KCNK12: variants seen among roughly 807,000 people sequenced by gnomAD.
KCNK12 encodes potassium channel subfamily K member 12.
Under a neutral mutation model 25.3 loss-of-function variants are expected in KCNK12, and 6 were observed. That is an observed-to-expected ratio of 0.24 (90% confidence interval 0.13 to 0.47). KCNK12 has a LOEUF of 0.47. Ranked by LOEUF, KCNK12 falls within the 20% of genes least tolerant of loss-of-function variation. The pLI, the probability that KCNK12 is intolerant of heterozygous loss-of-function variation, is 0.99. For synonymous variants in KCNK12, 331 were observed against 311.1 expected (o/e 1.06, Z -0.67); for missense variants, 444 against 661.7 (o/e 0.67, Z 3.61).
At position 47,515,327 on chromosome 2, in the gene KCNK12, C is replaced by T. The variant is rs1668500357; in HGVS notation, c.*5580G>A. Reference sequence around the variant, plus strand: ...AAATCAGTTTAATAGCTTTGACCAGCATTAACCTATTTATGCCTAGCGTTC... The same window carrying T: ...AAATCAGTTTAATAGCTTTGACCAGTATTAACCTATTTATGCCTAGCGTTC... On this transcript the variant is annotated 3_prime_UTR_variant, in exon 2 of 2. Coordinates refer to ENST00000327876, the MANE Select transcript of KCNK12 (RefSeq NM_022055.2). 6.6e-6 allele frequency among the ~76,000 whole-genome samples: 1 copy of T among 152,216 alleles called. No homozygotes were observed.
chr2:47,526,725 TC>T (rs1429784421), intron 1 of KCNK12, among the ~76,000 whole-genome samples: 1 of 152,122 alleles, frequency 6.6e-6, no homozygotes, highest in African/African-American at 2.4e-5. Context: ...AGAGCGAAAC[TC>T]CGTCTCAAAA....
rs181988501 is a variant in KCNK12, at chr2:47,531,252, C to T, written c.392-9444G>A. The stretch of plus-strand genomic sequence containing the variant: ...CTTTAGGAGGCTGAGGCGGTTGGAT[C>T]GCTTGAGCCCAGGAGTTCAAGACCA... On this transcript the variant is annotated intron_variant, in intron 1 of 1. Transcript: ENST00000327876. Among the ~76,000 whole-genome samples the T allele has an allele frequency of 4.7e-4, 72 of 152,214 alleles. 2 individuals are homozygous for T. The East Asian group carries it at 0.014, about 29-fold the overall frequency.
At chr2:47,567,599 A>C (rs1222105903) in intron 1 of KCNK12, among the ~76,000 whole-genome samples, 2 of 152,248 alleles carry the variant, frequency 1.3e-5, no homozygotes, top group African/African-American at 4.8e-5. Flanking sequence ...AGAATATCCC[A>C]GCAGGGGCAA....
rs1348473036 is a variant in KCNK12, at chr2:47,556,656, GA to G, written c.391+13284del. On this transcript the variant is annotated intron_variant, in intron 1 of 1. Transcript: ENST00000327876. The surrounding 1 kb of genome is among the most constrained non-coding windows in gnomAD (Gnocchi z 4.8). ...TATTTTGATAGGGGTACAACATAGGGAGAGAGGGGCAAGGAAGTTAAGGGTC... is the reference window on the plus strand; with the variant it reads ...TATTTTGATAGGGGTACAACATAGGGGAGAGGGGCAAGGAAGTTAAGGGTC... 6.6e-6 allele frequency among the ~76,000 whole-genome samples: 1 copy of G among 152,186 alleles called. No individual in the cohort carries two copies. The highest frequency in any genetic ancestry group is 2.4e-5 in the African/African-American group (1 of 41,430).
In KCNK12 at chr2:47,513,675, C is replaced by A. The variant is rs542672597; in HGVS notation, c.*7232G>T. ...CATGGGTCCCTGAAGTCCAACTTCT[C>A]CTTCATTGAACTCATCACCTCTTCT... On this transcript the variant is annotated 3_prime_UTR_variant, in exon 2 of 2. Coordinates refer to ENST00000327876, the MANE Select transcript of KCNK12 (RefSeq NM_022055.2). Among the ~76,000 whole-genome samples the A allele has an allele frequency of 7.8e-4, 118 of 152,098 alleles. No homozygotes were observed. The highest frequency in any genetic ancestry group is 1.3e-3 in the Non-Finnish European group (88 of 68,022).
intron 1 of KCNK12, among the ~76,000 whole-genome samples, chr2:47,558,050 T>C (rs1669585809): frequency 6.6e-6 from 1 of 152,250 alleles, no homozygotes. Flanking sequence ...TATTTTACTT[T>C]TTATAAAACA....
rs908659070 is a variant in KCNK12, at chr2:47,516,891, G to C, written c.*4016C>G. The C allele has an allele frequency of 2.6e-5, 4 of 152,292 alleles. No individual in the cohort carries two copies. In the Middle Eastern group the frequency reaches 0.01, roughly 389 times the overall value. The allele number at this position is 152,292 out of a possible 1,614,324, so 9.4% of individuals were successfully genotyped here. On this transcript the variant is annotated 3_prime_UTR_variant, in exon 2 of 2. Coordinates refer to ENST00000327876, the MANE Select transcript of KCNK12 (RefSeq NM_022055.2). ...CCTGAAAGTGCCAGAGCTGCTTCAG[G>C]GGCAAGAGTCCAGGCCCCAAGTCCA...
rs1479585280 is a variant in KCNK12, at chr2:47,519,265, A to G, written c.*1642T>C. Reference sequence around the variant, plus strand: ...AAGGGGAAAGAAGAGTTTGACATTCAAGTTTGACTCTAATGCTGGGTGCGT... The same window carrying G: ...AAGGGGAAAGAAGAGTTTGACATTCGAGTTTGACTCTAATGCTGGGTGCGT... On this transcript the variant is annotated 3_prime_UTR_variant, in exon 2 of 2. Coordinates refer to ENST00000327876, the MANE Select transcript of KCNK12 (RefSeq NM_022055.2). 1 of 152,184 alleles carries G rather than the reference A, an allele frequency of 6.6e-6. No individual in the cohort carries two copies. Among genetic ancestry groups the G allele is most frequent in the Non-Finnish European group, 1.5e-5 (1 of 68,040 alleles). The allele number at this position is 152,184 out of a possible 1,614,324, so 9.4% of individuals were successfully genotyped here.
rs1406096212 is a variant in KCNK12 at position 47,514,101 on chromosome 2, A to G, written c.*6806T>C. Among the ~76,000 whole-genome samples the G allele has an allele frequency of 6.6e-6, 1 of 152,136 alleles. No homozygotes were observed. Among genetic ancestry groups the G allele is most frequent in the Non-Finnish European group, 1.5e-5 (1 of 68,020 alleles). On this transcript the variant is annotated 3_prime_UTR_variant, in exon 2 of 2. Transcript: ENST00000327876. The surrounding 1 kb of genome is among the most constrained non-coding windows in gnomAD (Gnocchi z 5.0). Reference sequence around the variant, plus strand: ...CTGCATGCTCCAGTCCTGCAGAACTACACACAGTTCCCCCAACAAGGCCCT... The same window carrying G: ...CTGCATGCTCCAGTCCTGCAGAACTGCACACAGTTCCCCCAACAAGGCCCT...
intron 1 of KCNK12, among the ~76,000 whole-genome samples, chr2:47,537,983 A>G (rs1385409314): frequency 1.1e-4 from 17 of 152,202 alleles, no homozygotes; most frequent in Admixed American, 1.1e-3. Context: ...TCAAGGGTTC[A>G]GGTGTCATGT....
Position 47,533,807 on chromosome 2 carries a change from A to G in KCNK12, c.392-11999T>C, listed in dbSNP as rs1055605859. On this transcript the variant is annotated intron_variant, in intron 1 of 1. Coordinates refer to ENST00000327876, the MANE Select transcript of KCNK12 (RefSeq NM_022055.2). The surrounding 1 kb of genome is among the most constrained non-coding windows in gnomAD (Gnocchi z 4.7). Reference sequence around the variant, plus strand: ...GCTTGCTGGTTTGTCTGATTTGCAGAGCTGGATGGACTGCTCCCTGAGGAC... The same window carrying G: ...GCTTGCTGGTTTGTCTGATTTGCAGGGCTGGATGGACTGCTCCCTGAGGAC... 3.3e-5 allele frequency among the ~76,000 whole-genome samples: 5 copies of G among 152,170 alleles called. No homozygotes were observed. The highest frequency in any genetic ancestry group is 5.9e-5 in the Non-Finnish European group (4 of 68,024).
rs1015872454 is a variant in KCNK12, at chr2:47,560,254, G to T, written c.391+9687C>A. ...CTCGGTCCTCTTCAACAAGTTCCCA[G>T]AGTTCTGGTGAGCTCTGTGGGAAGC... On this transcript the variant is annotated intron_variant, in intron 1 of 1. Coordinates refer to ENST00000327876, the MANE Select transcript of KCNK12 (RefSeq NM_022055.2). The surrounding 1 kb of genome is among the most constrained non-coding windows in gnomAD (Gnocchi z 4.7). Among the ~76,000 whole-genome samples the T allele has an allele frequency of 2.6e-5, 4 of 152,244 alleles. No individual in the cohort carries two copies. The highest frequency in any genetic ancestry group is 9.6e-5 in the African/African-American group (4 of 41,476).
intron 1 of KCNK12, among the ~76,000 whole-genome samples, chr2:47,524,477 C>A (rs578029039): frequency 9.9e-5 from 15 of 152,276 alleles, no homozygotes; most frequent in African/African-American, 3.4e-4. Context: ...CTGCATTATT[C>A]CATTAACATA....
At chr2:47,545,744 G>C (rs2104829816) in intron 1 of KCNK12, among the ~76,000 whole-genome samples, 1 of 152,348 alleles carries the variant, frequency 6.6e-6, no homozygotes, top group South Asian at 2.1e-4. Flanking sequence ...ATGAGAAGAA[G>C]TGTGTAAAAT....
At chr2:47,531,423 T>C (rs1178602777) in intron 1 of KCNK12, among the ~76,000 whole-genome samples, 4 of 151,168 alleles carry the variant, frequency 2.6e-5, no homozygotes, top group Non-Finnish European at 4.4e-5. Flanking sequence ...CAGTGAGCCA[T>C]GACTGCACCC....
In KCNK12 at chr2:47,533,992, G is replaced by A. The variant is rs1668994973; in HGVS notation, c.392-12184C>T. Among the ~76,000 whole-genome samples the A allele has an allele frequency of 2.0e-5, 3 of 151,950 alleles. No homozygotes were observed. The highest frequency in any genetic ancestry group is 2.0e-4 in the Admixed American group (3 of 15,268). ...CCCCTGTTCTGCTTGTTTTTGTCTTGTTCTCTGGGGGCCTTTGAGGTGACT... is the reference window on the plus strand; with the variant it reads ...CCCCTGTTCTGCTTGTTTTTGTCTTATTCTCTGGGGGCCTTTGAGGTGACT... On this transcript the variant is annotated intron_variant, in intron 1 of 1. Coordinates refer to ENST00000327876, the MANE Select transcript of KCNK12 (RefSeq NM_022055.2). The surrounding 1 kb of genome is among the most constrained non-coding windows in gnomAD (Gnocchi z 4.7).
chr2:47,511,379 T>G lies in KCNK12; in HGVS notation c.*9528A>C, dbSNP rs979016052. Among the ~76,000 whole-genome samples the G allele has an allele frequency of 1.1e-4, 16 of 152,190 alleles. No homozygotes were observed. The highest frequency in any genetic ancestry group is 7.3e-5 in the Non-Finnish European group (5 of 68,030). On this transcript the variant is annotated 3_prime_UTR_variant, in exon 2 of 2. Coordinates refer to ENST00000327876, the MANE Select transcript of KCNK12 (RefSeq NM_022055.2). The surrounding 1 kb of genome is among the most constrained non-coding windows in gnomAD (Gnocchi z 4.3). ...CATTTGTGGAATTAGGCTTTTAATA[T>G]AAATATTTGTGTGCCTGCGCCTGCA...
rs1668387338 is a variant in KCNK12, at chr2:47,510,900, G to T, written c.*10007C>A. 6.6e-6 allele frequency: 1 copy of T among 152,186 alleles called. No individual in the cohort carries two copies. The highest frequency in any genetic ancestry group is 1.5e-5 in the Non-Finnish European group (1 of 68,032). The allele number at this position is 152,186 out of a possible 1,614,324, so 9.4% of individuals were successfully genotyped here. On this transcript the variant is annotated 3_prime_UTR_variant, in exon 2 of 2. Coordinates refer to ENST00000327876, the MANE Select transcript of KCNK12 (RefSeq NM_022055.2). ...CAGAGCAGCCTAGTGCTTGGCATGGGACTCAGATCTGAAGCAGCCTCTCCG... is the reference window on the plus strand; with the variant it reads ...CAGAGCAGCCTAGTGCTTGGCATGGTACTCAGATCTGAAGCAGCCTCTCCG...
intron 1 of KCNK12, among the ~76,000 whole-genome samples, chr2:47,537,654 A>G (rs906579730): frequency 6.6e-6 from 1 of 152,118 alleles, no homozygotes; most frequent in Non-Finnish European, 1.5e-5. Context: ...AGTTTCTTCT[A>G]TTTGCTTTTA....
Sources: allele counts gnomAD v4.1 joint callset (sites outside exome capture counted in the v4.1 genomes callset), GRCh38; gene constraint gnomAD v4.1.1; non-coding constraint Gnocchi (gnomAD v3.1); transcripts MANE v1.5; gene names NCBI Gene and HGNC (gene_info 2026-07-23, HGNC 2026-07-21).